SSH2: variants seen among roughly 807,000 people sequenced by gnomAD.
The protein encoded by SSH2 is slingshot protein phosphatase 2.
A neutral mutation model predicts 135.2 loss-of-function variants in SSH2; 37 were observed. That is an observed-to-expected ratio of 0.27 (90% CI 0.21 to 0.36). SSH2 has a LOEUF of 0.36. Among genes scored for constraint, SSH2 ranks in the 10% least tolerant of loss-of-function variants. The pLI is 1.00. For missense variants in SSH2, 1,408 were observed against 1,765.3 expected, an observed-to-expected ratio of 0.80 and a Z score of 3.63; for synonymous variants, 628 against 646.2, an observed-to-expected ratio of 0.97 and a Z score of 0.43.
chr17:29,826,626 T>C (rs1183266730), intron 2 of SSH2, among the ~76,000 whole-genome samples: 1 of 152,214 alleles, frequency 6.6e-6, no homozygotes, highest in African/African-American at 2.4e-5. Context: ...AGGTAGACTG[T>C]CTCTGTGTGG....
At chr17:29,683,809 G>C (rs958134159) in intron 6 of SSH2, among the ~76,000 whole-genome samples, 1 of 152,086 alleles carries the variant, frequency 6.6e-6, no homozygotes, top group Admixed American at 6.6e-5. Context: ...GCTGGGTATG[G>C]TGGTGCATGC....
chr17:29,654,775 A>G (rs2036715714), intron 12 of SSH2, among the ~76,000 whole-genome samples: 1 of 152,200 alleles, frequency 6.6e-6, no homozygotes, highest in Non-Finnish European at 1.5e-5. Context: ...TTAATATAAG[A>G]TAGGTCCTCT....
intron 9 of SSH2, 49 bp downstream of exon 9, chr17:29,671,886 T>A (rs966717143): frequency 2.6e-6 from 4 of 1,512,302 alleles, no homozygotes; most frequent in Non-Finnish European, 3.6e-6. Context: ...TTATGACTCC[T>A]CAGGACATAA....
chr17:29,847,263 A>T (rs1254506975), intron 2 of SSH2, among the ~76,000 whole-genome samples: 1 of 152,152 alleles, frequency 6.6e-6, no homozygotes, highest in Non-Finnish European at 1.5e-5. Flanking sequence ...GCTTCACAGT[A>T]AAGGGCAGTA....
At chr17:29,841,072 C>G (rs924466073) in intron 2 of SSH2, among the ~76,000 whole-genome samples, 7 of 152,070 alleles carry the variant, frequency 4.6e-5, no homozygotes, top group African/African-American at 1.4e-4. Context: ...AGTGGTTATT[C>G]CTGGTGTATG....
chr17:29,633,222 C>A (rs1033539150), intron 15 of SSH2, among the ~76,000 whole-genome samples: 1 of 152,164 alleles, frequency 6.6e-6, no homozygotes, highest in African/African-American at 2.4e-5. Context: ...CCCAAATGAA[C>A]AGCAAATATT....
chr17:29,761,840 CATATGTGTGTGTGT>C (rs2041318868), intron 3 of SSH2, among the ~76,000 whole-genome samples: 4 of 133,914 alleles, frequency 3.0e-5, no homozygotes, highest in African/African-American at 1.2e-4. Flanking sequence ...CACTCACATA[CATATGTGTGTGTGT>C]GTGTGTGTGT....
chr17:29,691,867 G>A (rs183264281), intron 5 of SSH2, among the ~76,000 whole-genome samples: 1 of 151,612 alleles, frequency 6.6e-6, no homozygotes, highest in African/African-American at 2.4e-5. Flanking sequence ...AGCCGGGCGC[G>A]GTGGCTCATG....
chr17:29,922,517 T>C (rs1040236068), intron 1 of SSH2, among the ~76,000 whole-genome samples: 7 of 152,216 alleles, frequency 4.6e-5, no homozygotes, highest in Non-Finnish European at 1.0e-4. Flanking sequence ...AGATTATACC[T>C]CAAAAAATAT....
intron 4 of SSH2, among the ~76,000 whole-genome samples, chr17:29,701,768 A>G (rs1008682831): frequency 6.8e-6 from 1 of 147,570 alleles, no homozygotes; most frequent in Non-Finnish European, 1.5e-5. Flanking sequence ...ACAGCGTTTC[A>G]CCATGTTGGC....
intron 3 of SSH2, among the ~76,000 whole-genome samples, chr17:29,735,755 T>G (rs2040343614): frequency 6.6e-6 from 1 of 150,830 alleles, no homozygotes; most frequent in African/African-American, 2.4e-5. Flanking sequence ...GTAAATCCTA[T>G]TAAGACCCTC....
At chr17:29,911,919 T>C (rs976108866) in intron 1 of SSH2, among the ~76,000 whole-genome samples, 1 of 152,264 alleles carries the variant, frequency 6.6e-6, no homozygotes, top group African/African-American at 2.4e-5. Flanking sequence ...TTAGTTGTTA[T>C]ACAAAGTGTG....
chr17:29,635,906 C>T (rs1598680889), intron 15 of SSH2, 62 bp downstream of exon 15: 10 of 1,259,162 alleles, frequency 7.9e-6, no homozygotes, highest in Admixed American at 2.1e-5. Context: ...ATAACATAAT[C>T]CCAAATAATT....
At chr17:29,830,773 G>A (rs976951465) in intron 2 of SSH2, among the ~76,000 whole-genome samples, 2 of 152,190 alleles carry the variant, frequency 1.3e-5, no homozygotes, top group Non-Finnish European at 2.9e-5. Context: ...AGTCAGTGAA[G>A]GAGTACCCAG....
chr17:29,672,860 C>G (rs573116253), intron 8 of SSH2, among the ~76,000 whole-genome samples: 1 of 152,144 alleles, frequency 6.6e-6, no homozygotes, highest in South Asian at 2.1e-4. Flanking sequence ...GTGCATGCCA[C>G]TACACCGGGC....
At chr17:29,694,092 T>G (rs1340042641) in intron 5 of SSH2, among the ~76,000 whole-genome samples, 1 of 147,982 alleles carries the variant, frequency 6.8e-6, no homozygotes, top group East Asian at 1.9e-4. Flanking sequence ...GATATTGTGA[T>G]TTTTTTTTTA....
chr17:29,862,573 C>T (rs1294754692), intron 1 of SSH2, among the ~76,000 whole-genome samples: 13 of 152,214 alleles, frequency 8.5e-5, no homozygotes, highest in Non-Finnish European at 1.6e-4. Flanking sequence ...ACATGAAACA[C>T]TGCCTCCCTT....
At chr17:29,693,804 G>T (rs1027276623) in intron 5 of SSH2, among the ~76,000 whole-genome samples, 1 of 151,948 alleles carries the variant, frequency 6.6e-6, no homozygotes, top group African/African-American at 2.4e-5. Flanking sequence ...CTAGATTACT[G>T]CAATAACTAC....
intron 2 of SSH2, among the ~76,000 whole-genome samples, chr17:29,811,571 GT>G (rs11411731): frequency 5.4e-5 from 8 of 149,378 alleles, no homozygotes; most frequent in Non-Finnish European, 7.4e-5. Context: ...TGAACCACAA[GT>G]TTTTTTTTTT....
Sources: gnomAD v4.1 joint callset for allele counts (sites outside exome capture counted in the v4.1 genomes callset) on GRCh38, gnomAD v4.1.1 for gene constraint, MANE v1.5 for transcripts, NCBI Gene and HGNC (gene_info 2026-07-23, HGNC 2026-07-21) for gene names.